Variants in GRIK5 observed in about 807,000 individuals in gnomAD.
GRIK5 encodes glutamate ionotropic receptor kainate type subunit 5.
In GRIK5, 43 loss-of-function variants were observed where a neutral mutation model predicts 97.4. The ratio of observed to expected loss-of-function variants is 0.44; its 90% CI spans 0.35 to 0.57. The LOEUF is 0.57. Among genes scored for constraint, GRIK5 ranks in the 20% least tolerant of loss-of-function variants. GRIK5 has a pLI of 0.01. For synonymous variants in GRIK5, 580 were observed against 583.5 expected, an observed-to-expected ratio of 0.99 and a Z score of 0.09; for missense variants, 1,015 against 1,382.0, an observed-to-expected ratio of 0.73 and a Z score of 4.21.
intron 5 of GRIK5, among the ~76,000 whole-genome samples, chr19:42,060,800 CCTT>C (rs2076248637): frequency 6.6e-6 from 1 of 152,002 alleles, no homozygotes; most frequent in Non-Finnish European, 1.5e-5. Context: ...TCCAACATCA[CCTT>C]CTCAATGAGG....
chr19:42,063,124 C>T (rs1260553429), intron 3 of GRIK5, among the ~76,000 whole-genome samples: 1 of 152,178 alleles, frequency 6.6e-6, no homozygotes, highest in Non-Finnish European at 1.5e-5. Flanking sequence ...GAGAAAGAGA[C>T]ACCAGGGGCC....
rs782756195 is a variant in GRIK5, at chr19:42,002,185, G to A, written c.2514+1147C>T. ...GCAGGGACCGATGCCAGACTGGAGTGGGGGGCAAGAGGAAATGGGAGGAAA... is the reference window on the plus strand; with the variant it reads ...GCAGGGACCGATGCCAGACTGGAGTAGGGGGCAAGAGGAAATGGGAGGAAA... On this transcript the variant is annotated intron_variant, in intron 19 of 19. Transcript: ENST00000593562. The surrounding 1 kb of genome is among the most constrained non-coding windows in gnomAD (Gnocchi z 5.2). 8.4e-6 allele frequency: 6 copies of A among 717,578 alleles called. No homozygotes were observed. In the East Asian group the frequency reaches 1.6e-4, roughly 19 times the overall value. 44.5% of individuals were successfully genotyped at this position (717,578 alleles called of 1,614,324 possible). A position where few individuals can be genotyped will look rare whatever the true frequency, so the allele number is the denominator to read the frequency against.
intron 12 of GRIK5, among the ~76,000 whole-genome samples, chr19:42,023,590 A>G (rs1208896945): frequency 1.3e-5 from 2 of 152,136 alleles, no homozygotes; most frequent in Non-Finnish European, 2.9e-5. Context: ...TCAAGACCCC[A>G]CTTCCTCCTG....
At position 42,065,197 on chromosome 19, in the gene GRIK5, C is replaced by T; in HGVS notation, c.244+26G>A. The T allele has an allele frequency of 6.3e-7, 1 of 1,593,174 alleles. No individual in the cohort carries two copies. The highest frequency in any genetic ancestry group is 8.6e-7 in the Non-Finnish European group (1 of 1,166,942). The stretch of plus-strand genomic sequence containing the variant: ...AGGGCCACCGACCTGCCCTGCCTCA[C>T]CCCACGCCCCCATGGCCCCGCTCAC... On this transcript the variant is annotated intron_variant, in intron 3 of 19. Transcript: ENST00000593562. The surrounding 1 kb of genome is among the most constrained non-coding windows in gnomAD (Gnocchi z 5.8).
rs1412508295 is a variant in GRIK5 at position 42,065,530 on chromosome 19, G to T, written c.80-143C>A. The T allele has an allele frequency of 2.0e-6, 2 of 1,001,478 alleles. No individual in the cohort carries two copies. Among genetic ancestry groups the T allele is most frequent in the South Asian group, 3.3e-5 (2 of 60,590 alleles). 62.0% of individuals were successfully genotyped at this position (1,001,478 alleles called of 1,614,324 possible). A position where few individuals can be genotyped will look rare whatever the true frequency, so the allele number is the denominator to read the frequency against. ...CTGGATCTGAGGTTGGTGGGAGCTA[G>T]GGGTCTGGACTCCTGGGTCCTGGGG... On this transcript the variant is annotated intron_variant, in intron 2 of 19. Transcript: ENST00000593562. The surrounding 1 kb of genome is among the most constrained non-coding windows in gnomAD (Gnocchi z 5.8).
At chr19:42,010,016 A>G (rs868987674) in intron 15 of GRIK5, among the ~76,000 whole-genome samples, 6 of 150,580 alleles carry the variant, frequency 4.0e-5, no homozygotes, top group Middle Eastern at 3.4e-3. Context: ...CTGTGAGCTG[A>G]GATCACGCCA....
chr19:42,056,811 G>C lies in GRIK5; in HGVS notation c.754C>G (p.Leu252Val), dbSNP rs1253120419. 1.2e-6 allele frequency: 2 copies of C among 1,614,202 alleles called. No homozygotes were observed. Among genetic ancestry groups the C allele is most frequent in the Non-Finnish European group, 8.5e-7 (1 of 1,180,030 alleles). ...TCCTCCACAATACCGTCCAGATGCA[G>C]GATGGGGAAGTCCTGGGACCAGGAA... ...YILTTMDFPILHLDGIVEDSS... is the reference protein window; with the variant it reads ...YILTTMDFPIVHLDGIVEDSS... Residue 252 changes from leucine (L) to valine (V), a missense_variant, in exon 8 of 20, where the codon CTG (leucine) becomes GTG (valine). Transcript: ENST00000593562.
intron 15 of GRIK5, among the ~76,000 whole-genome samples, chr19:42,012,737 C>T (rs923470646): frequency 1.3e-5 from 2 of 151,752 alleles, no homozygotes; most frequent in African/African-American, 2.4e-5. Context: ...CTGGGTGGCA[C>T]GTGCCTGTGG....
chr19:42,033,102 G>A (rs1333867039), intron 12 of GRIK5, among the ~76,000 whole-genome samples: 2 of 152,148 alleles, frequency 1.3e-5, no homozygotes, highest in South Asian at 2.1e-4. Flanking sequence ...GGTGGATCAC[G>A]TGGTCAGGAG....
At chr19:42,001,653 G>A (rs1568876143) in intron 19 of GRIK5, 2 of 157,728 alleles carry the variant, frequency 1.3e-5, no homozygotes, top group Non-Finnish European at 1.4e-5. Flanking sequence ...CCTTTGTTGA[G>A]CCTTCAGACC....
At chr19:42,014,777 A>C (rs1332059120) in intron 15 of GRIK5, among the ~76,000 whole-genome samples, 1 of 151,394 alleles carries the variant, frequency 6.6e-6, no homozygotes, top group African/African-American at 2.4e-5. Context: ...ACACTTGGTC[A>C]GGTGTGGTGG....
chr19:42,021,849 G>GC lies in GRIK5; in HGVS notation c.1697+97dup, dbSNP rs1269469205. ...GGGAATCCGAGGCCCCAAAGGGGAG[G>GC]CCAAGGACAGTTCCGAGAGAGAAGA... On this transcript the variant is annotated intron_variant, in intron 14 of 19. Coordinates refer to ENST00000593562, the MANE Select transcript of GRIK5 (RefSeq NM_002088.5). The surrounding 1 kb of genome is among the most constrained non-coding windows in gnomAD (Gnocchi z 4.2). The GC allele has an allele frequency of 6.7e-6, 5 of 747,904 alleles. No homozygotes were observed. Among genetic ancestry groups the GC allele is most frequent in the Non-Finnish European group, 1.1e-5 (5 of 438,258 alleles). 46.3% of individuals were successfully genotyped at this position (747,904 alleles called of 1,614,324 possible).
At chr19:42,059,256 T>C (rs2076227319) in intron 6 of GRIK5, 93 bp downstream of exon 6, 1 of 931,616 alleles carries the variant, frequency 1.1e-6, no homozygotes, top group South Asian at 1.6e-5. Context: ...AGCCCCCTTT[T>C]GACTCCTGAG....
chr19:42,011,944 G>A (rs1200119138), intron 15 of GRIK5, among the ~76,000 whole-genome samples: 1 of 152,130 alleles, frequency 6.6e-6, no homozygotes, highest in Non-Finnish European at 1.5e-5. Flanking sequence ...GTGACAGAGT[G>A]AGACCCTGTC....
rs1261017119 is a variant in GRIK5, at chr19:42,022,177, C to G, written c.1587+64G>C. On this transcript the variant is annotated intron_variant, in intron 13 of 19. Coordinates refer to ENST00000593562, the MANE Select transcript of GRIK5 (RefSeq NM_002088.5). The surrounding 1 kb of genome is among the most constrained non-coding windows in gnomAD (Gnocchi z 4.2). The stretch of plus-strand genomic sequence containing the variant: ...TCTGAGGTCCTGGGGCTGTCTGGCT[C>G]CCACTCGCAGGCCCTGAGCCTCCAT... 6.9e-7 allele frequency: 1 copy of G among 1,450,658 alleles called. No individual in the cohort carries two copies. The highest frequency in any genetic ancestry group is 1.4e-5 in the African/African-American group (1 of 71,768). 89.9% of individuals were successfully genotyped at this position (1,450,658 alleles called of 1,614,324 possible). A position where few individuals can be genotyped will look rare whatever the true frequency, so the allele number is the denominator to read the frequency against.
At position 42,003,305 on chromosome 19, in the gene GRIK5, G is replaced by GGGCCCCCCCCCCCC; in HGVS notation, c.2514+26_2514+27insGGGGGGGGGGGGCC. ...TCAGCCCCTGGGGGTCCCTGTTCCT[G>GGGCCCCCCCCCCCC]CCCACCCCCACCCCCAGCCTCCTCA... is the stretch of plus-strand genomic sequence containing the variant. On this transcript the variant is annotated intron_variant, in intron 19 of 19. Coordinates refer to ENST00000593562, the MANE Select transcript of GRIK5 (RefSeq NM_002088.5). The surrounding 1 kb of genome is among the most constrained non-coding windows in gnomAD (Gnocchi z 4.2). 1.9e-6 allele frequency: 3 copies of GGGCCCCCCCCCCCC among 1,540,744 alleles called. No individual in the cohort carries two copies. The highest frequency in any genetic ancestry group is 2.7e-6 in the Non-Finnish European group (3 of 1,118,204).
chr19:42,044,096 G>A (rs1363783315), intron 11 of GRIK5, among the ~76,000 whole-genome samples: 1 of 152,088 alleles, frequency 6.6e-6, no homozygotes, highest in Non-Finnish European at 1.5e-5. Context: ...GAGATCTGAT[G>A]GTTTTATAAT....
At chr19:42,049,404 G>A (rs768950678) in intron 11 of GRIK5, among the ~76,000 whole-genome samples, 22 of 152,254 alleles carry the variant, frequency 1.4e-4, no homozygotes, top group South Asian at 6.2e-4. Flanking sequence ...AGAAACAAAC[G>A]TCCATCTAGA....
chr19:42,068,596 G>C (rs2076374939), intron 1 of GRIK5: 2 of 416,540 alleles, frequency 4.8e-6, no homozygotes, highest in East Asian at 3.5e-5. Context: ...GAGGAGGACA[G>C]GTGAGCGGAG....
Sources: allele counts gnomAD v4.1 joint callset (sites outside exome capture counted in the v4.1 genomes callset), GRCh38; gene constraint gnomAD v4.1.1; non-coding constraint Gnocchi (gnomAD v3.1); transcripts MANE v1.5; gene names NCBI Gene and HGNC (gene_info 2026-07-23, HGNC 2026-07-21).